EEA1: variants seen among roughly 807,000 people sequenced by gnomAD.
The protein encoded by EEA1 is early endosome antigen 1.
Under a neutral mutation model 209.2 loss-of-function variants are expected in EEA1, and 111 were observed. That is an observed-to-expected ratio of 0.53 (90% CI 0.45 to 0.62). The LOEUF is 0.62. Among genes scored for constraint, EEA1 ranks in the 20% least tolerant of loss-of-function variants. The pLI is 0.00. For missense variants in EEA1, 1,343 were observed against 1,530.8 expected (o/e 0.88, Z 2.05); for synonymous variants, 536 against 540.6 (o/e 0.99, Z 0.12).
At position 92,782,114 on chromosome 12, in the gene EEA1, G is replaced by C. The variant is rs1427009834; in HGVS notation, c.3172C>G (p.Leu1058Val). The C allele has an allele frequency of 3.1e-6, 5 of 1,610,636 alleles. No homozygotes were observed. Among genetic ancestry groups the C allele is most frequent in the African/African-American group, 1.3e-5 (1 of 74,732 alleles). Reference protein sequence around the residue: ...DLKSVEEKLSLAQEDLISNRN... With the variant: ...DLKSVEEKLSVAQEDLISNRN... ...TTTGAAATCAAGTCCTCCTGTGCTA[G>C]AGAAAGCTTCTCTTCTACAGACTTA... Residue 1058 changes from leucine (L) to valine (V), a missense_variant, in exon 23 of 29, where the codon CTA becomes GTA. Around this residue, in one of 3 missense-constraint regions of EEA1, gnomAD observed 1,307 missense variants for 1,465.5 expected, o/e 0.89. Coordinates refer to ENST00000322349, the MANE Select transcript of EEA1 (RefSeq NM_003566.4).
At chr12:92,853,300 A>T (rs1877718569) in intron 6 of EEA1, among the ~76,000 whole-genome samples, 2 of 152,226 alleles carry the variant, frequency 1.3e-5, no homozygotes, top group Admixed American at 1.3e-4. Context: ...TTCACATTTC[A>T]CAGTTATTTT....
intron 3 of EEA1, chr12:92,858,927 G>T: frequency 1.4e-6 from 1 of 702,990 alleles, no homozygotes; most frequent in South Asian, 1.6e-5. Context: ...CATGGAGGAG[G>T]TGCCTTTGAG....
chr12:92,901,130 G>A (rs1201751441), intron 1 of EEA1, among the ~76,000 whole-genome samples: 1 of 152,192 alleles, frequency 6.6e-6, no homozygotes, highest in Non-Finnish European at 1.5e-5. Context: ...CCTCATTTCT[G>A]TTTCCTTTAT....
intron 1 of EEA1, among the ~76,000 whole-genome samples, chr12:92,893,402 C>G (rs1336758388): frequency 1.3e-5 from 2 of 152,130 alleles, no homozygotes; most frequent in Non-Finnish European, 2.9e-5. Context: ...GGCTCTTAAT[C>G]ACTAACCAAT....
chr12:92,785,186 C>G lies in EEA1; in HGVS notation c.3150+2681G>C, dbSNP rs182313304. Among the ~76,000 whole-genome samples the G allele has an allele frequency of 2.0e-5, 3 of 152,068 alleles. No individual in the cohort carries two copies. The East Asian group carries it at 5.8e-4, about 29-fold the overall frequency. ...TGTAAATTTTACAGTTAAATTCTAC[C>G]TCTACCTTTCCTGGACAACAAAGAG... On this transcript the variant is annotated intron_variant, in intron 22 of 28. Coordinates refer to ENST00000322349, the MANE Select transcript of EEA1 (RefSeq NM_003566.4).
Position 92,778,138 on chromosome 12 carries a change from A to G in EEA1, c.3696T>C (p.His1232=), listed in dbSNP as rs759430688. The change falls in exon 26 of 29, where the codon CAT becomes CAC. Residue 1232 remains histidine, a synonymous_variant. Coordinates refer to ENST00000322349, the MANE Select transcript of EEA1 (RefSeq NM_003566.4). Reference sequence around the variant, plus strand: ...TGGTAAGTTTAGCCTCATTTTCTTCATGCTTCTTCATTCCTACTTCCTTTT... The same window carrying G: ...TGGTAAGTTTAGCCTCATTTTCTTCGTGCTTCTTCATTCCTACTTCCTTTT... ...IKEKEVGMKK[H]EENEAKLTMQ... is the part of the protein sequence containing the mutation. The G allele has an allele frequency of 1.2e-6, 2 of 1,612,940 alleles. No individual in the cohort carries two copies. Among genetic ancestry groups the G allele is most frequent in the South Asian group, 1.1e-5 (1 of 91,000 alleles).
chr12:92,811,502 C>A, intron 16 of EEA1, 68 bp from the exon 17 acceptor site: 1 of 1,071,874 alleles, frequency 9.3e-7, no homozygotes, highest in Non-Finnish European at 1.2e-6. Context: ...AAATGTTCAA[C>A]GTAAAATTGA....
chr12:92,796,488 G>A (rs934209589), intron 21 of EEA1, among the ~76,000 whole-genome samples: 3 of 151,754 alleles, frequency 2.0e-5, no homozygotes, highest in Non-Finnish European at 4.4e-5. Context: ...CAGAAAATGT[G>A]TAAGTGCATT....
At position 92,802,415 on chromosome 12, in the gene EEA1, T is replaced by C. The variant is rs1007261502; in HGVS notation, c.2659A>G (p.Ile887Val). ...EKENQKGKAA[I>V]LDLEKTCKEL... is the part of the protein sequence containing the mutation. ...TGTAAACTACTAACCAAGTCTAATA[T>C]AGCGGCTTTTCCTTTCTGATTCTCC... is the stretch of plus-strand genomic sequence containing the variant. The change falls in exon 19 of 29, where the codon ATA (isoleucine) becomes GTA (valine). Residue 887 changes from isoleucine (I) to valine (V), a missense_variant. Around this residue, in one of 3 missense-constraint regions of EEA1, gnomAD observed 1,307 missense variants for 1,465.5 expected, o/e 0.89. Coordinates refer to ENST00000322349, the MANE Select transcript of EEA1 (RefSeq NM_003566.4). 5.7e-6 allele frequency: 9 copies of C among 1,573,586 alleles called. No homozygotes were observed. The highest frequency in any genetic ancestry group is 2.2e-4 in the Middle Eastern group (1 of 4,486).
chr12:92,812,474 C>T (rs1306884727), intron 16 of EEA1, among the ~76,000 whole-genome samples: 2 of 152,136 alleles, frequency 1.3e-5, no homozygotes, highest in African/African-American at 2.4e-5. Context: ...ACCAGAGTAT[C>T]GCTTCTGTAT....
intron 2 of EEA1, among the ~76,000 whole-genome samples, chr12:92,876,567 T>C (rs1164556339): frequency 6.6e-6 from 1 of 152,122 alleles, no homozygotes; most frequent in Admixed American, 6.6e-5. Context: ...TGCCAGCACC[T>C]TGATCTTGGA....
chr12:92,806,544 C>T (rs1209361383), intron 18 of EEA1, among the ~76,000 whole-genome samples: 2 of 152,102 alleles, frequency 1.3e-5, no homozygotes, highest in African/African-American at 2.4e-5. Context: ...CTAGTGAATT[C>T]CATCAAACTT....
intron 21 of EEA1, among the ~76,000 whole-genome samples, chr12:92,796,415 C>A (rs1874655320): frequency 6.6e-6 from 1 of 151,726 alleles, no homozygotes; most frequent in Non-Finnish European, 1.5e-5. Flanking sequence ...GTTGTTTTTA[C>A]TGTATTTTAA....
chr12:92,866,352 AC>A (rs1878395404), intron 2 of EEA1, among the ~76,000 whole-genome samples: 1 of 152,078 alleles, frequency 6.6e-6, no homozygotes, highest in South Asian at 2.1e-4. Context: ...CATCAAGTAC[AC>A]CACAATTCTA....
rs187792300 is a variant in EEA1 at position 92,857,497 on chromosome 12, T to C, written c.246-12A>G. 1.8e-3 allele frequency: 2,812 copies of C among 1,556,296 alleles called. 79 individuals carry two copies. In the Admixed American group the frequency reaches 0.046, roughly 25 times the overall value. The stretch of plus-strand genomic sequence containing the variant: ...GTGTTACATCATCTCTAAATAAAAA[T>C]GGGAGGAAGGAATTAATAGTCAATG... On this transcript the variant is annotated splice_polypyrimidine_tract_variant and intron_variant, in intron 3 of 28. Transcript: ENST00000322349.
chr12:92,904,511 A>G (rs1880287200), intron 1 of EEA1, among the ~76,000 whole-genome samples: 1 of 152,224 alleles, frequency 6.6e-6, no homozygotes, highest in Admixed American at 6.5e-5. Context: ...ACTATCTGGA[A>G]TTAGCACAGA....
At chr12:92,810,699 G>C (rs550341567) in intron 17 of EEA1, among the ~76,000 whole-genome samples, 3 of 151,670 alleles carry the variant, frequency 2.0e-5, no homozygotes, top group African/African-American at 7.2e-5. Flanking sequence ...TAAGCAGCAA[G>C]CGGTTCTAAT....
At chr12:92,819,898 AG>A (rs1875966592) in intron 13 of EEA1, among the ~76,000 whole-genome samples, 1 of 152,110 alleles carries the variant, frequency 6.6e-6, no homozygotes, top group African/African-American at 2.4e-5. Flanking sequence ...TCCCCCACAG[AG>A]TCATATAGTT....
rs1341836630 is a variant in EEA1, at chr12:92,891,614, T to G, written c.117+15A>C. 2 of 1,552,338 alleles carry G rather than the reference T, an allele frequency of 1.3e-6. No homozygotes were observed. Among genetic ancestry groups the G allele is most frequent in the East Asian group, 4.5e-5 (2 of 43,994 alleles). Reference sequence around the variant, plus strand: ...CTTAATATTGAATTTTATTGCCAAGTTATTATTTTCATACCTCTGAAGAGC... The same window carrying G: ...CTTAATATTGAATTTTATTGCCAAGGTATTATTTTCATACCTCTGAAGAGC... On this transcript the variant is annotated intron_variant, in intron 2 of 28. Transcript: ENST00000322349.
Sources: gnomAD v4.1 joint callset for allele counts (sites outside exome capture counted in the v4.1 genomes callset) on GRCh38, gnomAD v4.1.1 for gene constraint, gnomAD v4.1.1 regional missense constraint, MANE v1.5 for transcripts, NCBI Gene and HGNC (gene_info 2026-07-23, HGNC 2026-07-21) for gene names.